Variants in ZNF678 observed in about 807,000 individuals in gnomAD.
ZNF678 encodes zinc finger protein 678, also known as hypothetical protein MGC42493.
In ZNF678, 5 loss-of-function variants were observed where a neutral mutation model predicts 3.0. The ratio of observed to expected loss-of-function variants is 1.69; its 90% CI spans 0.88 to 3.56. The LOEUF is 3.56. ZNF678 is among the 30% of genes most tolerant of loss of function. The probability of loss-of-function intolerance (pLI) is 0.00; values close to 1 mark genes in which losing one functional copy is unlikely to be tolerated. For synonymous variants in ZNF678, 218 were observed against 199.6 expected, an observed-to-expected ratio of 1.09 and a Z score of -0.78; for missense variants, 593 against 605.0, an observed-to-expected ratio of 0.98 and a Z score of 0.21.
intron 1 of ZNF678, among the ~76,000 whole-genome samples, chr1:227,625,212 C>T (rs1259310665): frequency 6.6e-6 from 1 of 152,192 alleles, no homozygotes; most frequent in Non-Finnish European, 1.5e-5. Flanking sequence ...GGTGCGGTCA[C>T]CCTCCCTAGC....
At chr1:227,595,980 G>A (rs1016971352) in intron 1 of ZNF678, among the ~76,000 whole-genome samples, 1 of 152,300 alleles carries the variant, frequency 6.6e-6, no homozygotes. Context: ...AATGGAGTGG[G>A]CAAGTTCTCG....
chr1:227,672,549 C>T (rs1174720809), intron 5 of ZNF678, among the ~76,000 whole-genome samples: 3 of 152,088 alleles, frequency 2.0e-5, no homozygotes, highest in African/African-American at 7.2e-5. Flanking sequence ...TCATCTCAAC[C>T]TTAGTGTTTT....
chr1:227,669,532 C>A (rs7531801), intron 5 of ZNF678, among the ~76,000 whole-genome samples: 35,988 of 151,422 alleles, frequency 0.24, 5,027 homozygotes, highest in African/African-American at 0.39. Flanking sequence ...GCCTGTAGTC[C>A]CAGCTACTCA....
At chr1:227,589,483 C>T (rs1026155009) in intron 1 of ZNF678, among the ~76,000 whole-genome samples, 1 of 151,668 alleles carries the variant, frequency 6.6e-6, no homozygotes, top group Non-Finnish European at 1.5e-5. Context: ...GACAAAACTC[C>T]TCAGACACTG....
At chr1:227,612,700 A>T (rs754438014) in intron 1 of ZNF678, among the ~76,000 whole-genome samples, 1 of 152,214 alleles carries the variant, frequency 6.6e-6, no homozygotes, top group African/African-American at 2.4e-5. Context: ...TGCTTAAGCC[A>T]TCCAGAACTG....
At chr1:227,663,885 C>G (rs1244426853), downstream of ZNF678, among the ~76,000 whole-genome samples, 1 of 152,184 alleles carries the variant, frequency 6.6e-6, no homozygotes, top group Non-Finnish European at 1.5e-5. Flanking sequence ...GCAAAGACCT[C>G]TCTGTGCCCA....
intron 1 of ZNF678, chr1:227,598,988 G>T: frequency 8.3e-7 from 1 of 1,206,216 alleles, no homozygotes; most frequent in Non-Finnish European, 1.2e-6. Context: ...CCAAAACCTT[G>T]GAGCCTTTCT....
At chr1:227,677,908 A>G (rs1659711171), downstream of ZNF678, among the ~76,000 whole-genome samples, 1 of 152,190 alleles carries the variant, frequency 6.6e-6, no homozygotes, top group South Asian at 2.1e-4. Context: ...TTAAAATGCA[A>G]TTCTATACTC....
intron 1 of ZNF678, among the ~76,000 whole-genome samples, chr1:227,620,530 G>A (rs66938123): frequency 0.22 from 33,103 of 152,060 alleles, 3,997 homozygotes; most frequent in East Asian, 0.44. Flanking sequence ...TGAAATTGAG[G>A]CACAAAATAT....
intron 1 of ZNF678, among the ~76,000 whole-genome samples, chr1:227,577,436 G>A (rs1443071186): frequency 1.3e-5 from 2 of 152,160 alleles, no homozygotes; most frequent in Admixed American, 6.5e-5. Context: ...GGGTGCATGT[G>A]TATTTAGGAT....
intron 1 of ZNF678, among the ~76,000 whole-genome samples, chr1:227,630,744 A>G (rs765586115): frequency 7.2e-5 from 11 of 152,126 alleles, no homozygotes; most frequent in African/African-American, 1.9e-4. Flanking sequence ...ACCTTTATCT[A>G]TCTGCTTTTG....
At chr1:227,607,907 T>A (rs549904330) in intron 1 of ZNF678, among the ~76,000 whole-genome samples, 1 of 151,122 alleles carries the variant, frequency 6.6e-6, no homozygotes, top group African/African-American at 2.4e-5. Context: ...TTAAAACTAT[T>A]ATAAAATAAT....
At chr1:227,582,175 G>GCA (rs35625890) in intron 1 of ZNF678, among the ~76,000 whole-genome samples, 42 of 150,634 alleles carry the variant, frequency 2.8e-4, no homozygotes, top group Non-Finnish European at 4.6e-4. Context: ...ATATACACAC[G>GCA]CACACACACA....
At chr1:227,674,455 A>G (rs1659648914) in intron 5 of ZNF678, among the ~76,000 whole-genome samples, 1 of 152,216 alleles carries the variant, frequency 6.6e-6, no homozygotes, top group Admixed American at 6.5e-5. Flanking sequence ...AGCAAATAGT[A>G]TAGGACAAAA....
chr1:227,624,806 G>A (rs1471599127), intron 1 of ZNF678, among the ~76,000 whole-genome samples: 6 of 152,178 alleles, frequency 3.9e-5, no homozygotes, highest in Non-Finnish European at 7.3e-5. Flanking sequence ...TGGGCACCTC[G>A]CTGGATCAGA....
At chr1:227,578,874 T>C (rs948965901) in intron 1 of ZNF678, among the ~76,000 whole-genome samples, 2 of 152,234 alleles carry the variant, frequency 1.3e-5, no homozygotes, top group African/African-American at 2.4e-5. Context: ...TGTTAGTTTA[T>C]CTACCTTCAA....
chr1:227,603,671 G>T (rs1657792941), intron 1 of ZNF678, among the ~76,000 whole-genome samples: 1 of 152,224 alleles, frequency 6.6e-6, no homozygotes, highest in Non-Finnish European at 1.5e-5. Flanking sequence ...GTGGGAAGAT[G>T]TGGACTGGTG....
intron 1 of ZNF678, among the ~76,000 whole-genome samples, chr1:227,578,639 A>G (rs2102724441): frequency 6.6e-6 from 1 of 152,218 alleles, no homozygotes; most frequent in South Asian, 2.1e-4. Context: ...CAGCTCTTGC[A>G]TTGTTTTGTC....
At chr1:227,601,174 G>A (rs1394557157) in intron 1 of ZNF678, among the ~76,000 whole-genome samples, 1 of 152,072 alleles carries the variant, frequency 6.6e-6, no homozygotes, top group African/African-American at 2.4e-5. Context: ...CTGTAGTATA[G>A]TTTGAAGTCA....
Sources: gnomAD v4.1 joint callset for allele counts (sites outside exome capture counted in the v4.1 genomes callset) on GRCh38, gnomAD v4.1.1 for gene constraint, MANE v1.5 for transcripts, NCBI Gene and HGNC (gene_info 2026-07-23, HGNC 2026-07-21) for gene names.